ANXA9: variants seen among roughly 807,000 people sequenced by gnomAD.
ANXA9 encodes annexin A9.
A neutral mutation model predicts 51.8 loss-of-function variants in ANXA9; 47 were observed. The observed-to-expected ratio is 0.91, with a 90% CI of 0.72 to 1.16. The LOEUF (loss-of-function observed/expected upper bound fraction) is 1.16. Among genes scored for constraint, ANXA9 ranks in the 50% most tolerant of loss-of-function variants. The pLI is 0.00. For synonymous variants in ANXA9, 154 were observed against 168.7 expected (o/e 0.91, Z 0.68); for missense variants, 361 against 424.7 (o/e 0.85, Z 1.32).
intron 7 of ANXA9, 74 bp from the exon 8 acceptor site, chr1:150,986,262 C>A: frequency 7.4e-7 from 1 of 1,358,940 alleles, no homozygotes. Context: ...GCGGGTCAGG[C>A]ATTTGGCAGG....
At chr1:150,981,696 ACT>A (rs929601284), upstream of ANXA9, among the ~76,000 whole-genome samples, 10 of 151,748 alleles carry the variant, frequency 6.6e-5, no homozygotes, top group African/African-American at 1.9e-4. Context: ...TTCTCTCTTG[ACT>A]CTGTTCATCA....
chr1:150,981,666 A>G (rs1348567708), upstream of ANXA9, among the ~76,000 whole-genome samples: 1 of 152,232 alleles, frequency 6.6e-6, no homozygotes, highest in African/African-American at 2.4e-5. Context: ...TTCCCTCTGA[A>G]GGTAACACCC....
chr1:150,992,198 A>G (rs1038697915), intron 12 of ANXA9, among the ~76,000 whole-genome samples: 3 of 152,224 alleles, frequency 2.0e-5, no homozygotes, highest in Admixed American at 6.5e-5. Flanking sequence ...TCTGTAGTAA[A>G]AATTAATGTT....
upstream of ANXA9, among the ~76,000 whole-genome samples, chr1:150,980,689 C>G (rs1421415616): frequency 6.7e-6 from 1 of 148,354 alleles, no homozygotes; most frequent in Admixed American, 6.9e-5. Flanking sequence ...AAGTGATTCT[C>G]CTGCCTCAGC....
Position 150,986,434 on chromosome 1 carries a change from C to G in ANXA9, c.552+19C>G, listed in dbSNP as rs1234076861. 6.2e-7 allele frequency: 1 copy of G among 1,612,138 alleles called. No individual in the cohort carries two copies. The highest frequency in any genetic ancestry group is 8.5e-7 in the Non-Finnish European group (1 of 1,178,506). ...GGCCAAGGTGAGGAGGACTGACCTG[C>G]AAGGAAGGGAGTCACGTTCACCAGG... On this transcript the variant is annotated intron_variant, in intron 8 of 13. Coordinates refer to ENST00000368947, the MANE Select transcript of ANXA9 (RefSeq NM_003568.3).
upstream of ANXA9, chr1:150,981,954 G>C (rs967693188): frequency 6.6e-6 from 1 of 152,252 alleles, no homozygotes; most frequent in Non-Finnish European, 1.5e-5. Context: ...GCCAGAGGCA[G>C]AGCCAGGTCA....
In ANXA9 at chr1:150,986,261, G is replaced by A. The variant is rs1571689704; in HGVS notation, c.473-75G>A. On this transcript the variant is annotated intron_variant, in intron 7 of 13. Coordinates refer to ENST00000368947, the MANE Select transcript of ANXA9 (RefSeq NM_003568.3). ...GGGCTGGCAGGGTATAGCGGGTCAG[G>A]CATTTGGCAGGTCCTGGGGATATCT... The A allele has an allele frequency of 6.7e-6, 9 of 1,352,132 alleles. No homozygotes were observed. In the South Asian group the frequency reaches 7.1e-5, roughly 11 times the overall value. The allele number at this position is 1,352,132 out of a possible 1,614,324, so 83.8% of individuals were successfully genotyped here.
At chr1:150,986,298 A>T in intron 7 of ANXA9, 38 bp from the exon 8 acceptor site, 1 of 1,595,544 alleles carries the variant, frequency 6.3e-7, no homozygotes. Flanking sequence ...CACTAGGAAA[A>T]CTCAGGAGGA....
chr1:150,991,531 G>A (rs902966896), intron 12 of ANXA9, among the ~76,000 whole-genome samples: 2 of 141,828 alleles, frequency 1.4e-5, no homozygotes, highest in Admixed American at 6.9e-5. Context: ...CAAGGTGCCC[G>A]GCCTTCTTCT....
intron 12 of ANXA9, among the ~76,000 whole-genome samples, chr1:150,992,954 A>G (rs1671741208): frequency 6.6e-6 from 1 of 152,234 alleles, no homozygotes; most frequent in African/African-American, 2.4e-5. Flanking sequence ...ATGATGCATA[A>G]AAGTTAAAAT....
chr1:150,992,637 C>T (rs2102805656), intron 12 of ANXA9, among the ~76,000 whole-genome samples: 1 of 152,086 alleles, frequency 6.6e-6, no homozygotes, highest in East Asian at 1.9e-4. Context: ...TGGTAAAACC[C>T]CACCTGTACT....
intron 12 of ANXA9, 81 bp downstream of exon 12, chr1:150,988,422 A>G: frequency 6.6e-7 from 1 of 1,521,518 alleles, no homozygotes; most frequent in Admixed American, 1.7e-5. Flanking sequence ...TTATGTAACC[A>G]TCCTATATAC....
At chr1:150,986,572 G>T (rs769793717) in intron 8 of ANXA9, 30 bp from the exon 9 acceptor site, 1 of 1,611,178 alleles carries the variant, frequency 6.2e-7, no homozygotes, top group South Asian at 1.1e-5. Context: ...GCCCTTCAAA[G>T]AGCCCTCTAA....
chr1:150,984,372 A>T lies in ANXA9; in HGVS notation c.359A>T (p.Gln120Leu). The T allele has an allele frequency of 6.2e-7, 1 of 1,614,200 alleles. No individual in the cohort carries two copies. Among genetic ancestry groups the T allele is most frequent in the Non-Finnish European group, 8.5e-7 (1 of 1,180,030 alleles). ...CAGCCCACAGCCCAGTTTGACGCCC[A>T]GGAATTGAGGACAGCTCTGAAGGTA... ...LLQPTAQFDA[Q>L]ELRTALKASD... The change falls in exon 6 of 14, where the codon CAG becomes CTG. Residue 120 changes from glutamine (Q) to leucine (L), a missense_variant. Gln to Leu is a moderately radical substitution (Grantham distance 113, BLOSUM62 -2). Transcript: ENST00000368947.
chr1:150,990,374 AT>A (rs1553246142), intron 12 of ANXA9, among the ~76,000 whole-genome samples: 2 of 148,826 alleles, frequency 1.3e-5, no homozygotes, highest in Non-Finnish European at 3.0e-5. Flanking sequence ...GAAAAAAAAA[AT>A]TTTTTTTTTG....
rs1558038388 is a variant in ANXA9, at chr1:150,984,048, C to T, written c.246C>T (p.Asn82=). Residue 82 remains asparagine, a synonymous_variant, in exon 5 of 14, where the codon AAC becomes AAT. Transcript: ENST00000368947. ...AGCAAAGGCAGCTCATCTCACGAAA[C>T]TTCCAGGAGCGCACCCAACAGGTGA... The part of the protein sequence containing the change: ...SREQRQLISR[N]FQERTQQDLM... The T allele has an allele frequency of 1.2e-6, 2 of 1,611,234 alleles. No individual in the cohort carries two copies.
At chr1:150,983,740 G>A (rs1328932859) in intron 4 of ANXA9, among the ~76,000 whole-genome samples, 3 of 152,200 alleles carry the variant, frequency 2.0e-5, no homozygotes, top group African/African-American at 4.8e-5. Context: ...CCCCCAAGTC[G>A]TATTTTTTTT....
upstream of ANXA9, among the ~76,000 whole-genome samples, chr1:150,980,449 A>G (rs1486641623): frequency 2.0e-5 from 3 of 152,162 alleles, no homozygotes; most frequent in African/African-American, 7.2e-5. Flanking sequence ...ACTTGTACCA[A>G]CAAATGATTC....
At chr1:150,991,148 A>C (rs1019079989) in intron 12 of ANXA9, among the ~76,000 whole-genome samples, 2 of 151,400 alleles carry the variant, frequency 1.3e-5, no homozygotes, top group African/African-American at 2.4e-5. Flanking sequence ...ATCTCTAAAA[A>C]AAAAATAATA....
Sources: allele counts gnomAD v4.1 joint callset (sites outside exome capture counted in the v4.1 genomes callset), GRCh38; gene constraint gnomAD v4.1.1; transcripts MANE v1.5; gene names NCBI Gene and HGNC (gene_info 2026-07-23, HGNC 2026-07-21).